The following ZFHX3 variants were observed in gnomAD, a reference collection of about 807,000 sequenced individuals.
The protein encoded by ZFHX3 is zinc finger homeobox 3.
A neutral mutation model predicts 279.1 loss-of-function variants in ZFHX3; 42 were observed. That is an observed-to-expected ratio of 0.15 (90% CI 0.12 to 0.19). The LOEUF (loss-of-function observed/expected upper bound fraction) is 0.19, where lower values mean the gene tolerates loss of function less well. Among genes scored for constraint, ZFHX3 ranks in the 10% least tolerant of loss-of-function variants. ZFHX3 has a pLI of 1.00. For missense variants in ZFHX3, 4,981 were observed against 4,754.0 expected, an observed-to-expected ratio of 1.05 and a Z score of -1.40; for synonymous variants, 2,293 against 1,957.8, an observed-to-expected ratio of 1.17 and a Z score of -4.52.
rs547231680 is a variant in ZFHX3, at chr16:72,799,311, T to C, written c.3968-597A>G. 5.2e-4 allele frequency among the ~76,000 whole-genome samples: 79 copies of C among 152,336 alleles called. 1 individual carries two copies. The South Asian group carries it at 0.016, about 31-fold the overall frequency. Reference sequence around the variant, plus strand: ...AAGCAATTAACATTCAAGTGTTCAATTATTTAAAATACATTTTTTTCCCTA... The same window carrying C: ...AAGCAATTAACATTCAAGTGTTCAACTATTTAAAATACATTTTTTTCCCTA... On this transcript the variant is annotated intron_variant, in intron 8 of 9. Transcript: ENST00000268489.
At chr16:72,811,162 G>C (rs1410799067) in intron 7 of ZFHX3, among the ~76,000 whole-genome samples, 1 of 152,214 alleles carries the variant, frequency 6.6e-6, no homozygotes, top group East Asian at 1.9e-4. Context: ...TGGGATTAGA[G>C]GTGTGAGCTA....
chr16:73,750,676 G>C (rs1218416930), intron 1 of ZFHX3, among the ~76,000 whole-genome samples: 1 of 152,180 alleles, frequency 6.6e-6, no homozygotes, highest in Admixed American at 6.5e-5. Context: ...GAGCACTGCA[G>C]CTCAGCAATT....
intron 5 of ZFHX3, among the ~76,000 whole-genome samples, chr16:73,197,644 T>G (rs1195150984): frequency 6.6e-6 from 1 of 152,194 alleles, no homozygotes; most frequent in Non-Finnish European, 1.5e-5. Flanking sequence ...CTACTAAACA[T>G]GATAGATGTC....
intron 1 of ZFHX3, among the ~76,000 whole-genome samples, chr16:73,039,268 A>C (rs1244195321): frequency 1.3e-5 from 2 of 152,002 alleles, no homozygotes; most frequent in Non-Finnish European, 2.9e-5. Flanking sequence ...CAGATTCTTC[A>C]TTTTTAAATG....
chr16:73,248,746 C>T (rs114948951), intron 5 of ZFHX3, among the ~76,000 whole-genome samples: 2,401 of 152,082 alleles, frequency 0.016, 65 homozygotes, highest in African/African-American at 0.052. Context: ...TAGAATGGAA[C>T]GTCTGCTTTT....
At chr16:73,258,442 C>T (rs1052688145) in intron 4 of ZFHX3, among the ~76,000 whole-genome samples, 12 of 152,012 alleles carry the variant, frequency 7.9e-5, no homozygotes, top group South Asian at 2.1e-4. Context: ...CTGCACCTCC[C>T]GGGTTCACGC....
intron 3 of ZFHX3, among the ~76,000 whole-genome samples, chr16:73,368,712 A>G (rs74865884): frequency 0.01 from 1,524 of 152,338 alleles, 20 homozygotes; most frequent in African/African-American, 0.034. Flanking sequence ...TTCGGTATGT[A>G]ATGGGTAATA....
chr16:73,866,169 ATTTT>A (rs34324522), intron 1 of ZFHX3, among the ~76,000 whole-genome samples: 13 of 74,636 alleles, frequency 1.7e-4, no homozygotes, highest in African/African-American at 6.3e-4. Context: ...TGCCAGGCTA[ATTTT>A]TTTTTTTTTT....
At chr16:73,837,979 T>C (rs894682219) in intron 1 of ZFHX3, among the ~76,000 whole-genome samples, 3 of 152,156 alleles carry the variant, frequency 2.0e-5, no homozygotes, top group African/African-American at 7.2e-5. Flanking sequence ...TTAGCAATGG[T>C]ATAGGGATAG....
chr16:73,888,984 C>T (rs113522085), intron 1 of ZFHX3, among the ~76,000 whole-genome samples: 29 of 151,606 alleles, frequency 1.9e-4, no homozygotes, highest in African/African-American at 6.8e-4. Flanking sequence ...CCAATCTGCT[C>T]ATCAAACACC....
intron 3 of ZFHX3, among the ~76,000 whole-genome samples, chr16:73,398,210 G>A (rs938731855): frequency 6.6e-6 from 1 of 152,146 alleles, no homozygotes; most frequent in Non-Finnish European, 1.5e-5. Context: ...AGAGTCGGGG[G>A]TTCAGGAGAG....
intron 4 of ZFHX3, among the ~76,000 whole-genome samples, chr16:72,851,845 C>T (rs1243056909): frequency 1.3e-5 from 2 of 152,230 alleles, no homozygotes; most frequent in Admixed American, 1.3e-4. Context: ...GCCACCGCAC[C>T]TGGCCTCAAT....
Position 72,795,449 on chromosome 16 carries a change from C to T in ZFHX3, c.7233G>A (p.Ala2411=), listed in dbSNP as rs769762758. The change falls in exon 9 of 10, where the codon GCG becomes GCA. Residue 2411 remains alanine, a synonymous_variant. Transcript: ENST00000268489. ...TASSAFLQLT[A]EAEELATFNS... ...TGAAGGTGGCCAGTTCCTCAGCCTC[C>T]GCTGTAAGCTGCAAGAAAGCGGAGG... is the stretch of plus-strand genomic sequence containing the variant. 16 of 1,614,148 alleles carry T rather than the reference C, an allele frequency of 9.9e-6. No individual in the cohort carries two copies. The highest frequency in any genetic ancestry group is 4.5e-5 in the East Asian group (2 of 44,876).
intron 3 of ZFHX3, among the ~76,000 whole-genome samples, chr16:73,416,203 G>C (rs1226748433): frequency 6.6e-6 from 1 of 151,710 alleles, no homozygotes; most frequent in Non-Finnish European, 1.5e-5. Context: ...ACAGTGACTT[G>C]TTCAAAGTCA....
At chr16:73,412,928 A>G (rs146578703) in intron 3 of ZFHX3, among the ~76,000 whole-genome samples, 13 of 152,322 alleles carry the variant, frequency 8.5e-5, no homozygotes, top group African/African-American at 2.9e-4. Flanking sequence ...AATAATACAG[A>G]TGCATTTATG....
At chr16:73,192,102 G>T (rs1968051734) in intron 5 of ZFHX3, among the ~76,000 whole-genome samples, 1 of 152,090 alleles carries the variant, frequency 6.6e-6, no homozygotes, top group African/African-American at 2.4e-5. Flanking sequence ...GGACAGAGGG[G>T]TGCCTTCCTC....
chr16:73,361,307 T>C (rs1242761753), intron 3 of ZFHX3, among the ~76,000 whole-genome samples: 2 of 152,234 alleles, frequency 1.3e-5, no homozygotes, highest in Admixed American at 6.5e-5. Flanking sequence ...AGAAGAGGCT[T>C]GATAGGTGCT....
At chr16:73,769,797 G>C (rs180742510) in intron 1 of ZFHX3, among the ~76,000 whole-genome samples, 87 of 152,190 alleles carry the variant, frequency 5.7e-4, no homozygotes, top group African/African-American at 1.7e-3. Context: ...AGAATCCTAG[G>C]GTTATTACCC....
chr16:73,216,718 G>T (rs1486687061), intron 5 of ZFHX3, among the ~76,000 whole-genome samples: 3 of 151,888 alleles, frequency 2.0e-5, no homozygotes, highest in African/African-American at 7.3e-5. Flanking sequence ...AGCTGAGATC[G>T]CGCCACTGCA....
Sources: gnomAD v4.1 joint callset for allele counts (sites outside exome capture counted in the v4.1 genomes callset) on GRCh38, gnomAD v4.1.1 for gene constraint, MANE v1.5 for transcripts, NCBI Gene and HGNC (gene_info 2026-07-23, HGNC 2026-07-21) for gene names.